Variants in TONSL observed in about 807,000 individuals in gnomAD.
TONSL encodes tonsoku like, DNA repair protein.
Under a neutral mutation model 147.1 loss-of-function variants are expected in TONSL, and 112 were observed. The ratio of observed to expected loss-of-function variants is 0.76; its 90% confidence interval spans 0.65 to 0.89. The LOEUF is 0.89. Ranked by LOEUF, TONSL falls within the 40% of genes least tolerant of loss-of-function variation. TONSL has a pLI of 0.00. For missense variants in TONSL, 1,883 were observed against 1,864.6 expected (o/e 1.01, Z -0.18); for synonymous variants, 868 against 801.5 (o/e 1.08, Z -1.40).
Position 144,442,082 on chromosome 8 carries a change from G to A in TONSL, c.820C>T (p.Gln274Ter). 6.2e-7 allele frequency: 1 copy of A among 1,612,748 alleles called. No individual in the cohort carries two copies. The highest frequency in any genetic ancestry group is 8.5e-7 in the Non-Finnish European group (1 of 1,179,908). Reference sequence around the variant, plus strand: ...ATGGCTGCCCTCTGCACAGGCTTCTGGGAGCCCAGCCTGTAGGCCTTCTTC... The same window carrying A: ...ATGGCTGCCCTCTGCACAGGCTTCTAGGAGCCCAGCCTGTAGGCCTTCTTC... The part of the protein sequence containing the change: ...ALKKAYRLGS[Q>*]KPVQRAAICQ... Residue 274 changes from glutamine to a stop codon, truncating the protein, a stop_gained, in exon 7 of 26, where the codon CAG becomes TAG. Transcript: ENST00000409379. LOFTEE classifies it high-confidence loss of function.
Position 144,429,207 on chromosome 8 carries a change from C to T in TONSL, c.4073G>A (p.Ser1358Asn), listed in dbSNP as rs1388862192. 4.6e-6 allele frequency: 7 copies of T among 1,535,208 alleles called. No homozygotes were observed. In the Admixed American group the frequency reaches 1.4e-4, roughly 30 times the overall value. ...CGTGCACTCGCCGGGGCCCGGCCGA[C>T]TGGGCTGCAGCTGGCGCAGGGCGTC... Reference protein sequence around the residue: ...DRDALRQLQPSRPGPGECTLD... With the variant: ...DRDALRQLQPNRPGPGECTLD... Residue 1358 changes from serine to asparagine, a missense_variant, in exon 26 of 26, where the codon AGT becomes AAT. Coordinates refer to ENST00000409379, the MANE Select transcript of TONSL (RefSeq NM_013432.5).
chr8:144,431,216 G>C (rs1823174231), intron 23 of TONSL, 65 bp from the exon 24 acceptor site: 1 of 1,538,410 alleles, frequency 6.5e-7, no homozygotes, highest in Non-Finnish European at 9.0e-7. Flanking sequence ...CTGCTTCCCA[G>C]CAGGTGCACC....
chr8:144,440,712 T>C lies in TONSL; in HGVS notation c.1164+6A>G, dbSNP rs758846088. ...CCTGCATTCGGGCGGGGAGCAAGGGTTTCACCTCCAGCACGTTGCCGCTGC... is the reference window on the plus strand; with the variant it reads ...CCTGCATTCGGGCGGGGAGCAAGGGCTTCACCTCCAGCACGTTGCCGCTGC... On this transcript the variant is annotated splice_donor_region_variant and intron_variant, in intron 9 of 25. Transcript: ENST00000409379. The C allele has an allele frequency of 6.2e-7, 1 of 1,610,240 alleles. No individual in the cohort carries two copies. Among genetic ancestry groups the C allele is most frequent in the South Asian group, 1.1e-5 (1 of 90,982 alleles).
Position 144,436,347 on chromosome 8 carries a change from T to C in TONSL, c.2086A>G (p.Ser696Gly), listed in dbSNP as rs1823457792. 1.3e-6 allele frequency: 2 copies of C among 1,501,408 alleles called. No individual in the cohort carries two copies. Among genetic ancestry groups the C allele is most frequent in the South Asian group, 2.7e-5 (2 of 75,416 alleles). 93.0% of individuals were successfully genotyped at this position (1,501,408 alleles called of 1,614,324 possible). Residue 696 changes from serine (S) to glycine (G), a missense_variant, in exon 17 of 26, where the codon AGC becomes GGC. Transcript: ENST00000409379. ...LFDPETSPPL[S>G]PCPEPPSNST... ...TTAGAGGGGGGTTCTGGGCAGGGGC[T>C]CAAAGGAGGAGAGGTCTCGGGGTCA... is the stretch of plus-strand genomic sequence containing the variant.
Position 144,441,077 on chromosome 8 carries a change from T to C in TONSL, c.900A>G (p.Glu300=). The part of the protein sequence containing the change: ...LAVVRLQQQL[E]EAEGRDPQGA... ...CCTGAGGGTCTCTGCCCTCAGCCTC[T>C]TCCAGCTGTTGCTGCAGCCGGACCA... The change falls in exon 8 of 26, where the codon GAA becomes GAG. Residue 300 remains glutamate, a synonymous_variant. Transcript: ENST00000409379. 6.2e-7 allele frequency: 1 copy of C among 1,612,854 alleles called. No individual in the cohort carries two copies. The highest frequency in any genetic ancestry group is 8.5e-7 in the Non-Finnish European group (1 of 1,179,982).
Position 144,443,897 on chromosome 8 carries a change from G to A in TONSL, c.249C>T (p.Tyr83=), listed in dbSNP as rs752496717. The change falls in exon 3 of 26, where the codon TAC becomes TAT. Residue 83 remains tyrosine (Y), a synonymous_variant. Transcript: ENST00000409379. ...IGERLAEMED[Y]PAALQHQHQY... Reference sequence around the variant, plus strand: ...GCGCCCGCACCTGCAAGGCAGCCGGGTAGTCCTCCATCTCGGCCAGGCGCT... The same window carrying A: ...GCGCCCGCACCTGCAAGGCAGCCGGATAGTCCTCCATCTCGGCCAGGCGCT... The A allele has an allele frequency of 2.8e-4, 430 of 1,545,442 alleles. No individual in the cohort carries two copies. The highest frequency in any genetic ancestry group is 3.7e-4 in the Non-Finnish European group (422 of 1,146,654).
chr8:144,430,861 G>A (rs1417357203), intron 24 of TONSL, among the ~76,000 whole-genome samples: 4 of 152,360 alleles, frequency 2.6e-5, no homozygotes, highest in Middle Eastern at 3.4e-3. Context: ...ACCCCCGGAG[G>A]AGTGCTCTCA....
chr8:144,440,162 G>T lies in TONSL; in HGVS notation c.1339C>A (p.Gln447Lys). ...CTGGTTTCGGTCTCAGGGGCCTCCTGGGGCTGCAGCCTCAGCTGCACGGTA... is the reference window on the plus strand; with the variant it reads ...CTGGTTTCGGTCTCAGGGGCCTCCTTGGGCTGCAGCCTCAGCTGCACGGTA... ...LHTVQLRLQP[Q>K]EAPETETRLR... The change falls in exon 11 of 26, where the codon CAG (glutamine) becomes AAG (lysine). Residue 447 changes from glutamine (Q) to lysine (K), a missense_variant. By Grantham distance (53) the Gln-to-Lys change is moderately conservative. Transcript: ENST00000409379. 6.2e-7 allele frequency: 1 copy of T among 1,610,842 alleles called. No homozygotes were observed. Among genetic ancestry groups the T allele is most frequent in the Non-Finnish European group, 8.5e-7 (1 of 1,179,218 alleles).
chr8:144,443,885 C>T lies in TONSL; in HGVS notation c.261G>A (p.Leu87=), dbSNP rs1231924657. The change falls in exon 3 of 26, where the codon TTG becomes TTA. Residue 87 remains leucine (L), a synonymous_variant. Transcript: ENST00000409379. The part of the protein sequence containing the change: ...LAEMEDYPAA[L]QHQHQYLELA... ...AGGCCAGTGAGGGCGCCCGCACCTGCAAGGCAGCCGGGTAGTCCTCCATCT... is the reference window on the plus strand; with the variant it reads ...AGGCCAGTGAGGGCGCCCGCACCTGTAAGGCAGCCGGGTAGTCCTCCATCT... 1 of 1,545,130 alleles carries T rather than the reference C, an allele frequency of 6.5e-7. No homozygotes were observed. The highest frequency in any genetic ancestry group is 2.4e-5 in the East Asian group (1 of 40,920).
Position 144,432,356 on chromosome 8 carries a change from C to A in TONSL, c.3664G>T (p.Glu1222Ter), listed in dbSNP as rs782133688. Residue 1222 changes from glutamate (E) to a stop codon, truncating the protein, a stop_gained, in exon 23 of 26, where the codon GAG becomes TAG. Coordinates refer to ENST00000409379, the MANE Select transcript of TONSL (RefSeq NM_013432.5). LOFTEE classifies it high-confidence loss of function. ...TTGCCGGCTGCCACGGAGCTGAGCT[C>A]TAAGTGCAGGAGGGTGCCGGCGGGC... The part of the protein sequence containing the change: ...SLPAGTLLHL[E>*]LSSVAAGKGD... The A allele has an allele frequency of 7.4e-6, 12 of 1,613,554 alleles. No individual in the cohort carries two copies. The highest frequency in any genetic ancestry group is 1.0e-5 in the Non-Finnish European group (12 of 1,179,886).
At position 144,436,246 on chromosome 8, in the gene TONSL, C is replaced by G; in HGVS notation, c.2187G>C (p.Arg729Ser). The change falls in exon 17 of 26, where the codon AGG (arginine) becomes AGC (serine). Residue 729 changes from arginine to serine, a missense_variant. Transcript: ENST00000409379. The stretch of plus-strand genomic sequence containing the variant: ...CTGGCCCATGCCTGCTCCTCCGAGG[C>G]CTGGCCATGGCTGGTGCCGCCTGCC... ...SPGQAAPAMA[R>S]PRRSRHGPAS... 1 of 1,541,832 alleles carries G rather than the reference C, an allele frequency of 6.5e-7. No individual in the cohort carries two copies. Among genetic ancestry groups the G allele is most frequent in the Non-Finnish European group, 8.7e-7 (1 of 1,147,894 alleles).
intron 22 of TONSL, chr8:144,433,386 T>C: frequency 1.7e-6 from 1 of 575,456 alleles, no homozygotes; most frequent in South Asian, 2.2e-5. Flanking sequence ...TAGACGCTTT[T>C]TTCTTAAGGG....
chr8:144,436,805 A>G lies in TONSL; in HGVS notation c.1842T>C (p.Ala614=), dbSNP rs373455052. 5 of 1,611,400 alleles carry G rather than the reference A, an allele frequency of 3.1e-6. No homozygotes were observed. The highest frequency in any genetic ancestry group is 1.3e-5 in the African/African-American group (1 of 74,938). Residue 614 remains alanine, a synonymous_variant, in exon 15 of 26, where the codon GCT becomes GCC. Transcript: ENST00000409379. ...ACGCCCCCCGTTCAAGCAGCAGCTC[A>G]GCCACCTCGAAGTGGCCACAGTTGA... ...DALNCGHFEV[A]ELLLERGASV...
chr8:144,443,777 T>C (rs1823804546), intron 3 of TONSL, 105 bp downstream of exon 3: 2 of 1,451,194 alleles, frequency 1.4e-6, no homozygotes, highest in South Asian at 2.7e-5. Context: ...AGGTCAGGTG[T>C]CCCCTCCAGC....
chr8:144,441,185 A>G, intron 7 of TONSL, 74 bp from the exon 8 acceptor site: 3 of 1,562,586 alleles, frequency 1.9e-6, no homozygotes, highest in East Asian at 2.3e-5. Context: ...GCAAGCTGTG[A>G]GCCCTGTGGT....
intron 25 of TONSL, 147 bp from the exon 26 acceptor site, chr8:144,429,483 A>T (rs992575801): frequency 3.0e-6 from 2 of 677,876 alleles, no homozygotes; most frequent in African/African-American, 3.8e-5. Context: ...GAGAGGCCCC[A>T]TGACTCTCCA....
intron 7 of TONSL, chr8:144,441,340 C>T (rs571760149): frequency 1.7e-6 from 1 of 579,624 alleles, no homozygotes; most frequent in African/African-American, 1.9e-5. Context: ...CGCCTGTAAT[C>T]CTAGGACTTT....
rs751375648 is a variant in TONSL at position 144,441,155 on chromosome 8, T to C, written c.866-44A>G. The C allele has an allele frequency of 9.4e-6, 15 of 1,601,514 alleles. No individual in the cohort carries two copies. In the South Asian group the frequency reaches 1.5e-4, roughly 17 times the overall value. On this transcript the variant is annotated intron_variant, in intron 7 of 25. Transcript: ENST00000409379. ...TGCAGGGGGGCAGCACAGGGGGCCC[T>C]GACCCCAGCTCTACCACCTGCAAGC...
chr8:144,430,137 C>G (rs1554878308), intron 25 of TONSL, among the ~76,000 whole-genome samples: 1 of 152,202 alleles, frequency 6.6e-6, no homozygotes. Flanking sequence ...GGAACAGGGT[C>G]TTGCCTACCA....
Sources: allele counts gnomAD v4.1 joint callset (sites outside exome capture counted in the v4.1 genomes callset), GRCh38; gene constraint gnomAD v4.1.1; transcripts MANE v1.5; gene names NCBI Gene and HGNC (gene_info 2026-07-23, HGNC 2026-07-21).